LYPLAL1: variants seen among roughly 807,000 people sequenced by gnomAD.
The protein encoded by LYPLAL1 is lysophospholipase-like protein 1.
A neutral mutation model predicts 19.7 loss-of-function variants in LYPLAL1; 23 were observed. That is an observed-to-expected ratio of 1.17 (90% CI 0.84 to 1.65). LYPLAL1 has a LOEUF of 1.65. Ranked by LOEUF, LYPLAL1 falls within the 40% of genes most tolerant of loss-of-function variation. The pLI is 0.00. For missense variants in LYPLAL1, 355 were observed against 279.4 expected, an observed-to-expected ratio of 1.27 and a Z score of -1.93; for synonymous variants, 119 against 96.3, an observed-to-expected ratio of 1.24 and a Z score of -1.38.
chr1:219,208,006 A>G (rs1658707021), intron 3 of LYPLAL1, among the ~76,000 whole-genome samples: 1 of 151,920 alleles, frequency 6.6e-6, no homozygotes, highest in African/African-American at 2.4e-5. Flanking sequence ...CCTCTCTCAC[A>G]TTCTCTCCTA....
At chr1:219,192,694 T>G (rs1349291169) in intron 2 of LYPLAL1, among the ~76,000 whole-genome samples, 2 of 151,680 alleles carry the variant, frequency 1.3e-5, no homozygotes, top group Non-Finnish European at 3.0e-5. Flanking sequence ...CCCCCTTTAC[T>G]CCATTACAGT....
chr1:219,375,866 C>T, the LYPLAL1 span, among the ~76,000 whole-genome samples: 2 of 151,890 alleles, frequency 1.3e-5, no homozygotes, highest in East Asian at 1.9e-4. Flanking sequence ...CTTAGCCTCC[C>T]GAGTAGCTGG....
chr1:219,198,643 A>T (rs1657812059), intron 3 of LYPLAL1: 1 of 152,126 alleles, frequency 6.6e-6, no homozygotes, highest in South Asian at 2.1e-4. Flanking sequence ...GTATTCAAGA[A>T]GATCTCCATG....
At chr1:219,311,123 T>A in the LYPLAL1 span, among the ~76,000 whole-genome samples, 5 of 152,170 alleles carry the variant, frequency 3.3e-5, no homozygotes, top group African/African-American at 9.7e-5. Context: ...TTTCCTTAGT[T>A]ATCTAGTCTA....
the LYPLAL1 span, among the ~76,000 whole-genome samples, chr1:219,341,465 A>G: frequency 1.3e-5 from 2 of 152,044 alleles, no homozygotes; most frequent in African/African-American, 2.4e-5. Context: ...GAAAAGGTTC[A>G]ATTTTATTTT....
the LYPLAL1 span, among the ~76,000 whole-genome samples, chr1:219,445,385 T>C: frequency 9.0e-6 from 1 of 110,508 alleles, no homozygotes; most frequent in South Asian, 3.5e-4. Context: ...TTCTTGGTGC[T>C]CCTAATGTAA....
the LYPLAL1 span, among the ~76,000 whole-genome samples, chr1:219,220,255 C>T: frequency 6.6e-6 from 1 of 152,128 alleles, no homozygotes; most frequent in African/African-American, 2.4e-5. Context: ...GAGTAATGTA[C>T]TCAACCAATT....
the LYPLAL1 span, among the ~76,000 whole-genome samples, chr1:219,297,331 T>C: frequency 6.6e-6 from 1 of 152,228 alleles, no homozygotes; most frequent in African/African-American, 2.4e-5. Context: ...ATAAGACTGA[T>C]TGAATTCTTA....
chr1:219,232,221 CA>C, the LYPLAL1 span, among the ~76,000 whole-genome samples: 1 of 152,144 alleles, frequency 6.6e-6, no homozygotes, highest in Non-Finnish European at 1.5e-5. Context: ...TTGAGACCCC[CA>C]AACAACTTAG....
the LYPLAL1 span, among the ~76,000 whole-genome samples, chr1:219,444,877 T>A: frequency 1.3e-5 from 2 of 152,186 alleles, no homozygotes; most frequent in Non-Finnish European, 2.9e-5. Flanking sequence ...CTACTCCCAT[T>A]ATTTTTTTTT....
At chr1:219,184,882 TG>T in intron 2 of LYPLAL1, among the ~76,000 whole-genome samples, 1 of 152,048 alleles carries the variant, frequency 6.6e-6, no homozygotes, top group African/African-American at 2.4e-5. Context: ...AATATTGTTC[TG>T]TGATTTTCTT....
At chr1:219,442,346 AG>A in the LYPLAL1 span, among the ~76,000 whole-genome samples, 1 of 152,180 alleles carries the variant, frequency 6.6e-6, no homozygotes. Flanking sequence ...AGGAAAAAAA[AG>A]TTTCCTTTTC....
At chr1:219,398,823 G>C in the LYPLAL1 span, among the ~76,000 whole-genome samples, 1 of 152,314 alleles carries the variant, frequency 6.6e-6, no homozygotes, top group African/African-American at 2.4e-5. Context: ...GGGGGCCAGT[G>C]CTGAGTTCCC....
the LYPLAL1 span, among the ~76,000 whole-genome samples, chr1:219,301,818 A>G: frequency 6.6e-6 from 1 of 152,094 alleles, no homozygotes; most frequent in African/African-American, 2.4e-5. Context: ...TTGATACCTG[A>G]TATATTTTAA....
chr1:219,374,573 A>G, the LYPLAL1 span, among the ~76,000 whole-genome samples: 2 of 151,938 alleles, frequency 1.3e-5, no homozygotes, highest in Non-Finnish European at 2.9e-5. Flanking sequence ...AAAAATCACT[A>G]GATACTGACT....
chr1:219,356,600 T>G, the LYPLAL1 span, among the ~76,000 whole-genome samples: 1 of 152,168 alleles, frequency 6.6e-6, no homozygotes, highest in African/African-American at 2.4e-5. Flanking sequence ...AATAGATGCA[T>G]TCAGTCTGTT....
chr1:219,320,408 C>T, the LYPLAL1 span, among the ~76,000 whole-genome samples: 1 of 151,888 alleles, frequency 6.6e-6, no homozygotes, highest in Non-Finnish European at 1.5e-5. Flanking sequence ...GATTAATCAC[C>T]CAAGCAAACA....
At chr1:219,178,149 C>G in intron 1 of LYPLAL1, among the ~76,000 whole-genome samples, 1 of 152,338 alleles carries the variant, frequency 6.6e-6, no homozygotes, top group East Asian at 1.9e-4. Flanking sequence ...ACATCATAAA[C>G]TTCCTCTTGC....
At chr1:219,228,056 A>G in the LYPLAL1 span, among the ~76,000 whole-genome samples, 1 of 152,136 alleles carries the variant, frequency 6.6e-6, no homozygotes, top group Admixed American at 6.5e-5. Context: ...TCTGGTAGAG[A>G]GACGGCTTCA....
Sources: gnomAD v4.1 joint callset for allele counts (sites outside exome capture counted in the v4.1 genomes callset) on GRCh38, gnomAD v4.1.1 for gene constraint, MANE v1.5 for transcripts, NCBI Gene and HGNC (gene_info 2026-07-23, HGNC 2026-07-21) for gene names.